Variants in FBXL18 observed in about 807,000 individuals in gnomAD.
FBXL18 encodes the protein F-box/LRR-repeat protein 18.
In FBXL18, 36 loss-of-function variants were observed where a neutral mutation model predicts 46.0. The observed-to-expected ratio is 0.78, with a 90% CI of 0.60 to 1.03. The LOEUF (loss-of-function observed/expected upper bound fraction) is 1.03. Among genes scored for constraint, FBXL18 ranks in the 50% least tolerant of loss-of-function variants. FBXL18 has a pLI of 0.00. For missense variants in FBXL18, 977 were observed against 1,004.1 expected (o/e 0.97, Z 0.36); for synonymous variants, 557 against 465.3 (o/e 1.20, Z -2.54).
chr7:5,490,278 C>G, intron 4 of FBXL18: 1 of 1,248,116 alleles, frequency 8.0e-7, no homozygotes. Flanking sequence ...GCACGCCTCT[C>G]TCAGGAGCCC....
At chr7:5,467,784 T>TA (rs1428370299) in intron 4 of FBXL18, among the ~76,000 whole-genome samples, 5 of 152,024 alleles carry the variant, frequency 3.3e-5, no homozygotes, top group Non-Finnish European at 7.4e-5. Context: ...ATCCTAAAGA[T>TA]AGAGAAACAG....
intron 4 of FBXL18, chr7:5,489,373 G>A (rs894136869): frequency 1.2e-5 from 6 of 512,888 alleles, no homozygotes; most frequent in Non-Finnish European, 2.3e-5. Context: ...TGTGGCTCAC[G>A]CCTGTAATCC....
intron 4 of FBXL18, among the ~76,000 whole-genome samples, chr7:5,459,665 G>T (rs1783216427): frequency 1.3e-5 from 2 of 151,832 alleles, no homozygotes; most frequent in Admixed American, 6.6e-5. Context: ...GCGTGAACCT[G>T]GGAGGCAGAG....
chr7:5,487,852 G>C (rs1783816575), intron 4 of FBXL18, among the ~76,000 whole-genome samples: 1 of 152,054 alleles, frequency 6.6e-6, no homozygotes, highest in Non-Finnish European at 1.5e-5. Context: ...CACCAGGTGC[G>C]GGACATCGGA....
rs1415796823 is a variant in FBXL18 at position 5,456,383 on chromosome 7, G to C, written c.2001-8540C>G. 6.6e-5 allele frequency among the ~76,000 whole-genome samples: 10 copies of C among 152,332 alleles called. No homozygotes were observed. In the East Asian group the frequency reaches 1.5e-3, roughly 23 times the overall value. ...CGAATCAGTGGGAGGACAAACCAAG[G>C]GGGATCTCAAACTCATCACGATGTG... On this transcript the variant is annotated intron_variant and NMD_transcript_variant, in intron 4 of 6. Coordinates refer to the FBXL18 transcript ENST00000415009.
intron 2 of FBXL18, among the ~76,000 whole-genome samples, chr7:5,503,380 T>A (rs1196265495): frequency 6.6e-6 from 1 of 152,070 alleles, no homozygotes; most frequent in East Asian, 1.9e-4. Flanking sequence ...TGAGACAAGG[T>A]CTCATTCTGT....
intron 4 of FBXL18, among the ~76,000 whole-genome samples, chr7:5,457,930 A>T (rs1176106498): frequency 6.6e-6 from 1 of 152,246 alleles, no homozygotes; most frequent in Non-Finnish European, 1.5e-5. Flanking sequence ...TCTCTCAGCG[A>T]GAGCGCTGCC....
chr7:5,473,642 A>AC (rs1554317586), downstream of FBXL18, among the ~76,000 whole-genome samples: 1 of 151,710 alleles, frequency 6.6e-6, no homozygotes, highest in Non-Finnish European at 1.5e-5. Context: ...CATGCCTCTT[A>AC]CCCAGCTACT....
Position 5,477,005 on chromosome 7 carries a change from A to G in FBXL18, c.*4770T>C, listed in dbSNP as rs1255013422. 2 of 151,640 alleles carry G rather than the reference A, an allele frequency of 1.3e-5. No homozygotes were observed. Among genetic ancestry groups the G allele is most frequent in the Non-Finnish European group, 2.9e-5 (2 of 68,042 alleles). 9.4% of individuals were successfully genotyped at this position (151,640 alleles called of 1,614,324 possible). ...CAGGTTCATGCCATTCTCCTGCCTCAGCCTCCTGAGTGGCTGGGACCACAG... is the reference window on the plus strand; with the variant it reads ...CAGGTTCATGCCATTCTCCTGCCTCGGCCTCCTGAGTGGCTGGGACCACAG... On this transcript the variant is annotated 3_prime_UTR_variant, in exon 5 of 5. Transcript: ENST00000382368. This position sits in a 1 kb window ranked among gnomAD's most constrained non-coding sequence, Gnocchi z 4.4.
chr7:5,473,861 C>G (rs1185963725), downstream of FBXL18, among the ~76,000 whole-genome samples: 1 of 151,986 alleles, frequency 6.6e-6, no homozygotes, highest in Non-Finnish European at 1.5e-5. Flanking sequence ...ATAGTGCGGC[C>G]TTGGCTCACT....
In FBXL18 at chr7:5,501,013, G is replaced by T; in HGVS notation, c.1256C>A (p.Ser419Tyr). 6.3e-7 allele frequency: 1 copy of T among 1,597,370 alleles called. No homozygotes were observed. The highest frequency in any genetic ancestry group is 8.5e-7 in the Non-Finnish European group (1 of 1,174,458). Reference sequence around the variant, plus strand: ...GTCAGCGACAGAGCAGACAGGCAGGGAGAGGGAGCGCAGGTGACGCAGCCG... The same window carrying T: ...GTCAGCGACAGAGCAGACAGGCAGGTAGAGGGAGCGCAGGTGACGCAGCCG... ...LARLRHLRSL[S>Y]LPVCSVADSA... is the part of the protein sequence containing the mutation. Residue 419 changes from serine (S) to tyrosine (Y), a missense_variant, in exon 3 of 5, where the codon TCC (serine) becomes TAC (tyrosine). Physicochemically the swap from Ser to Tyr is moderately radical, Grantham distance 144. Coordinates refer to ENST00000382368, the MANE Select transcript of FBXL18 (RefSeq NM_024963.6).
At chr7:5,486,251 C>CAAAACA (rs1783773378) in intron 4 of FBXL18, among the ~76,000 whole-genome samples, 1 of 71,828 alleles carries the variant, frequency 1.4e-5, no homozygotes. Flanking sequence ...AACTCCATCT[C>CAAAACA]AAAAAAAAAA....
At chr7:5,509,017 A>G (rs1227312376) in intron 1 of FBXL18, among the ~76,000 whole-genome samples, 1 of 151,920 alleles carries the variant, frequency 6.6e-6, no homozygotes, top group East Asian at 1.9e-4. Context: ...ACATGATGAA[A>G]CCCCATCTCC....
intron 3 of FBXL18, among the ~76,000 whole-genome samples, chr7:5,497,135 G>A (rs927454744): frequency 6.6e-6 from 1 of 151,712 alleles, no homozygotes; most frequent in African/African-American, 2.4e-5. Context: ...AGAGAAGGTC[G>A]AGGCTGCAGT....
At chr7:5,483,137 G>A (rs1783690086) in intron 4 of FBXL18, among the ~76,000 whole-genome samples, 1 of 151,960 alleles carries the variant, frequency 6.6e-6, no homozygotes. Context: ...CAGTGCCCCA[G>A]AGAGGAAGAC....
chr7:5,473,395 G>A (rs924295521), downstream of FBXL18, among the ~76,000 whole-genome samples: 18 of 151,494 alleles, frequency 1.2e-4, no homozygotes, highest in Admixed American at 9.2e-4. Context: ...CATTTGGGCC[G>A]AGCCTCTTCC....
At chr7:5,484,142 C>A (rs899052320) in intron 4 of FBXL18, among the ~76,000 whole-genome samples, 1 of 152,206 alleles carries the variant, frequency 6.6e-6, no homozygotes, top group Non-Finnish European at 1.5e-5. Context: ...TCAAACTCCA[C>A]CCCCTCTGGC....
rs1005379926 is a variant in FBXL18 at position 5,477,395 on chromosome 7, C to A, written c.*4380G>T. ...CCTCACTTTGTCCATGAATTTCACA[C>A]GTTTTCTTACAAGAGCTCTGTAATG... On this transcript the variant is annotated 3_prime_UTR_variant, in exon 5 of 5. Transcript: ENST00000382368. This position sits in a 1 kb window ranked among gnomAD's most constrained non-coding sequence, Gnocchi z 4.4. Among the ~76,000 whole-genome samples, 1 of 152,116 alleles carries A rather than the reference C, an allele frequency of 6.6e-6. No individual in the cohort carries two copies. Among genetic ancestry groups the A allele is most frequent in the Non-Finnish European group, 1.5e-5 (1 of 68,030 alleles).
At chr7:5,499,059 G>A (rs1239132786) in intron 3 of FBXL18, among the ~76,000 whole-genome samples, 1 of 152,136 alleles carries the variant, frequency 6.6e-6, no homozygotes, top group South Asian at 2.1e-4. Context: ...ACACTGTCTG[G>A]TGTGGAGCTC....
Sources: gnomAD v4.1 joint callset for allele counts (sites outside exome capture counted in the v4.1 genomes callset) on GRCh38, gnomAD v4.1.1 for gene constraint, Gnocchi (gnomAD v3.1) non-coding constraint, MANE v1.5 for transcripts, NCBI Gene and HGNC (gene_info 2026-07-23, HGNC 2026-07-21) for gene names.